The following DDR2 variants were observed in gnomAD, a reference collection of about 807,000 sequenced individuals.
The protein encoded by DDR2 is discoidin domain receptor tyrosine kinase 2, also known as discoidin domain-containing receptor 2.
In DDR2, 27 loss-of-function variants were observed where a neutral mutation model predicts 94.9. The observed-to-expected ratio is 0.28, with a 90% CI of 0.21 to 0.39. The LOEUF (loss-of-function observed/expected upper bound fraction) is 0.39, where lower values mean the gene tolerates loss of function less well. Among genes scored for constraint, DDR2 ranks in the 10% least tolerant of loss-of-function variants. The probability of loss-of-function intolerance (pLI) is 1.00; values close to 1 mark genes in which losing one functional copy is unlikely to be tolerated. For synonymous variants in DDR2, 382 were observed against 377.2 expected (o/e 1.01, Z -0.15); for missense variants, 783 against 1,076.0 (o/e 0.73, Z 3.81).
Position 162,780,901 on chromosome 1 carries a change from G to C in DDR2, c.*655G>C, listed in dbSNP as rs1414808419. 1 of 152,644 alleles carries C rather than the reference G, an allele frequency of 6.6e-6. No individual in the cohort carries two copies. The highest frequency in any genetic ancestry group is 2.4e-5 in the African/African-American group (1 of 41,414). 9.5% of individuals were successfully genotyped at this position (152,644 alleles called of 1,614,324 possible). A position where few individuals can be genotyped will look rare whatever the true frequency, so the allele number is the denominator to read the frequency against. The stretch of plus-strand genomic sequence containing the variant: ...ATTGAAGTTCATATATGAAACAACT[G>C]GGGATGTAGATAGGAAAGAATGTCT... On this transcript the variant is annotated 3_prime_UTR_variant, in exon 18 of 18. Transcript: ENST00000367921.
intron 2 of DDR2, among the ~76,000 whole-genome samples, chr1:162,708,658 T>A (rs1278190816): frequency 2.6e-5 from 4 of 152,194 alleles, no homozygotes; most frequent in Non-Finnish European, 5.9e-5. Flanking sequence ...ACTGCTTGGG[T>A]CTTTCATGAC....
intron 2 of DDR2, among the ~76,000 whole-genome samples, chr1:162,707,769 C>T (rs1317571120): frequency 1.3e-5 from 2 of 152,172 alleles, no homozygotes. Context: ...TCCTATACAC[C>T]ATTCTATTCA....
At chr1:162,695,454 C>G (rs1660146047) in intron 2 of DDR2, among the ~76,000 whole-genome samples, 1 of 152,166 alleles carries the variant, frequency 6.6e-6, no homozygotes, top group Non-Finnish European at 1.5e-5. Flanking sequence ...TGGTCTCAAA[C>G]TTCTGAGCTC....
intron 1 of DDR2, among the ~76,000 whole-genome samples, chr1:162,646,985 C>T (rs1471269408): frequency 6.6e-6 from 1 of 152,112 alleles, no homozygotes; most frequent in African/African-American, 2.4e-5. Context: ...TCACTAAATG[C>T]TTGTCAAATA....
chr1:162,691,839 A>T (rs1012396044), intron 2 of DDR2, among the ~76,000 whole-genome samples: 1 of 152,234 alleles, frequency 6.6e-6, no homozygotes, highest in East Asian at 1.9e-4. Flanking sequence ...AGATACATAA[A>T]TTGCCATGCA....
At chr1:162,631,182 TTGTGTGTGTGTGTG>T (rs58010976), upstream of DDR2, among the ~76,000 whole-genome samples, 300 of 140,278 alleles carry the variant, frequency 2.1e-3, 1 homozygote, top group East Asian at 6.8e-3. Flanking sequence ...GCCACCCTCA[TTGTGTGTGTGTGTG>T]TGTGTGTGTG....
intron 1 of DDR2, among the ~76,000 whole-genome samples, chr1:162,650,358 G>A (rs1040719497): frequency 6.6e-6 from 1 of 152,154 alleles, no homozygotes; most frequent in African/African-American, 2.4e-5. Context: ...CATTTTGGGA[G>A]GCCAAGGAAG....
intron 1 of DDR2, among the ~76,000 whole-genome samples, chr1:162,649,953 T>A (rs889929496): frequency 6.6e-6 from 1 of 152,160 alleles, no homozygotes. Flanking sequence ...GGAAGTTGGG[T>A]TAGGTCTGGA....
At chr1:162,733,986 T>C (rs1347681762) in intron 3 of DDR2, among the ~76,000 whole-genome samples, 1 of 152,228 alleles carries the variant, frequency 6.6e-6, no homozygotes. Context: ...ATTGTGCCTA[T>C]TTGATTATGA....
Position 162,761,539 on chromosome 1 carries a change from C to A in DDR2, c.1099+85C>A, listed in dbSNP as rs561168810. ...TGCCCAGAACTTCTCATTAGCAGGTCTCTGAGAGGAGTGGGATTGTACAGG... is the reference window on the plus strand; with the variant it reads ...TGCCCAGAACTTCTCATTAGCAGGTATCTGAGAGGAGTGGGATTGTACAGG... On this transcript the variant is annotated intron_variant, in intron 9 of 17. Coordinates refer to ENST00000367921, the MANE Select transcript of DDR2 (RefSeq NM_006182.4). 5 of 1,601,924 alleles carry A rather than the reference C, an allele frequency of 3.1e-6. No homozygotes were observed. In the South Asian group the frequency reaches 5.6e-5, roughly 18 times the overall value.
chr1:162,681,036 G>C (rs1401119515), intron 2 of DDR2, among the ~76,000 whole-genome samples: 2 of 152,148 alleles, frequency 1.3e-5, no homozygotes, highest in South Asian at 2.1e-4. Context: ...AGAGAACGCT[G>C]TCTGGAGCCA....
At chr1:162,683,387 A>G (rs959809353) in intron 2 of DDR2, among the ~76,000 whole-genome samples, 1 of 152,170 alleles carries the variant, frequency 6.6e-6, no homozygotes, top group Non-Finnish European at 1.5e-5. Flanking sequence ...ACTATATTTG[A>G]AGATGACATG....
chr1:162,673,595 ATG>A (rs1375441574), intron 2 of DDR2, among the ~76,000 whole-genome samples: 116 of 105,298 alleles, frequency 1.1e-3, no homozygotes, highest in African/African-American at 3.3e-3. Context: ...GTGTGTGTGT[ATG>A]TGTGTGTGTG....
chr1:162,682,033 C>T (rs1659435095), intron 2 of DDR2, among the ~76,000 whole-genome samples: 1 of 152,160 alleles, frequency 6.6e-6, no homozygotes, highest in Non-Finnish European at 1.5e-5. Context: ...TGAGTTATAA[C>T]CTCATGAAGT....
chr1:162,736,898 G>C (rs1662323760), intron 3 of DDR2, among the ~76,000 whole-genome samples: 1 of 152,222 alleles, frequency 6.6e-6, no homozygotes, highest in East Asian at 1.9e-4. Flanking sequence ...AAGGAGGCCA[G>C]TGTGGCTGAT....
intron 2 of DDR2, among the ~76,000 whole-genome samples, chr1:162,668,120 G>T (rs73018595): frequency 6.6e-6 from 1 of 152,110 alleles, no homozygotes; most frequent in Admixed American, 6.5e-5. Flanking sequence ...CAAAAACTCA[G>T]CTATCAAGAT....
At chr1:162,696,620 C>T (rs1415599674) in intron 2 of DDR2, among the ~76,000 whole-genome samples, 1 of 152,030 alleles carries the variant, frequency 6.6e-6, no homozygotes, top group Non-Finnish European at 1.5e-5. Flanking sequence ...TTAGTGGAGG[C>T]GATTGCTGGA....
chr1:162,725,793 G>T (rs1283453706), intron 3 of DDR2, among the ~76,000 whole-genome samples: 3 of 152,168 alleles, frequency 2.0e-5, no homozygotes, highest in Admixed American at 1.3e-4. Context: ...CCCTGAAATT[G>T]CATCCCAAAC....
At chr1:162,710,151 C>T (rs1391745027) in intron 2 of DDR2, among the ~76,000 whole-genome samples, 1 of 152,170 alleles carries the variant, frequency 6.6e-6, no homozygotes, top group Non-Finnish European at 1.5e-5. Flanking sequence ...AGATAGCCAT[C>T]TAGCACTTTC....
Sources: gnomAD v4.1 joint callset for allele counts (sites outside exome capture counted in the v4.1 genomes callset) on GRCh38, gnomAD v4.1.1 for gene constraint, MANE v1.5 for transcripts, NCBI Gene and HGNC (gene_info 2026-07-23, HGNC 2026-07-21) for gene names.